Variants in ULK4 observed in about 807,000 individuals in gnomAD.
The protein encoded by ULK4 is inactive serine/threonine-protein kinase ULK4.
Under a neutral mutation model 160.6 loss-of-function variants are expected in ULK4, and 133 were observed. That is an observed-to-expected ratio of 0.83 (90% CI 0.72 to 0.96). The LOEUF (loss-of-function observed/expected upper bound fraction) is 0.96. Among genes scored for constraint, ULK4 ranks in the 40% least tolerant of loss-of-function variants. The pLI, the probability that ULK4 is intolerant of heterozygous loss-of-function variation, is 0.00. For synonymous variants in ULK4, 534 were observed against 539.8 expected (o/e 0.99, Z 0.15); for missense variants, 1,580 against 1,499.5 (o/e 1.05, Z -0.89).
chr3:41,633,952 G>A (rs1014721460), intron 30 of ULK4, among the ~76,000 whole-genome samples: 2 of 152,124 alleles, frequency 1.3e-5, no homozygotes, highest in Admixed American at 6.5e-5. Flanking sequence ...GATCCTTATT[G>A]TGAGGTAGTA....
At chr3:41,574,143 C>A (rs1335983554) in intron 31 of ULK4, among the ~76,000 whole-genome samples, 1 of 152,154 alleles carries the variant, frequency 6.6e-6, no homozygotes, top group Non-Finnish European at 1.5e-5. Flanking sequence ...TGAGCCATTG[C>A]ACTGCAGCCT....
At chr3:41,788,100 G>GA (rs1310572720) in intron 21 of ULK4, among the ~76,000 whole-genome samples, 1 of 151,962 alleles carries the variant, frequency 6.6e-6, no homozygotes, top group Non-Finnish European at 1.5e-5. Flanking sequence ...AGATTTGTTA[G>GA]AAAAAAATAC....
Position 41,798,262 on chromosome 3 carries a change from C to T in ULK4, c.2010+1870G>A, listed in dbSNP as rs2040359489. 2.0e-5 allele frequency among the ~76,000 whole-genome samples: 3 copies of T among 152,082 alleles called. 1 individual carries two copies. In the South Asian group the frequency reaches 6.2e-4, roughly 31 times the overall value. ...CTTTATAAAGTAAGCCCAATTAAAA[C>T]AAGACAGATTTTTCTAAAGGCTCAG... On this transcript the variant is annotated intron_variant, in intron 20 of 36. Transcript: ENST00000301831.
chr3:41,625,296 T>C (rs1312479448), intron 30 of ULK4, among the ~76,000 whole-genome samples: 1 of 152,230 alleles, frequency 6.6e-6, no homozygotes, highest in Non-Finnish European at 1.5e-5. Context: ...ATAAAATATC[T>C]GATATCCACG....
chr3:41,501,013 A>G (rs887501721), intron 32 of ULK4, among the ~76,000 whole-genome samples: 70 of 152,284 alleles, frequency 4.6e-4, no homozygotes, highest in African/African-American at 1.6e-3. Flanking sequence ...GCTCAACATC[A>G]ATAGACCTCA....
intron 35 of ULK4, among the ~76,000 whole-genome samples, chr3:41,259,216 A>G (rs981316309): frequency 1.3e-5 from 2 of 152,128 alleles, no homozygotes; most frequent in Non-Finnish European, 2.9e-5. Context: ...GTGTCAATCC[A>G]GCATTCACCC....
chr3:41,526,113 C>G (rs761564095), intron 32 of ULK4, among the ~76,000 whole-genome samples: 3 of 152,146 alleles, frequency 2.0e-5, no homozygotes, highest in Non-Finnish European at 4.4e-5. Context: ...CCTTTGTGCT[C>G]CTGAACCTCT....
intron 5 of ULK4, among the ~76,000 whole-genome samples, chr3:41,920,475 A>T (rs576097118): frequency 6.6e-6 from 1 of 152,176 alleles, no homozygotes; most frequent in Admixed American, 6.5e-5. Flanking sequence ...CAGAAATCCC[A>T]TATTTTAGAG....
chr3:41,859,684 G>C (rs1482837489), intron 17 of ULK4: 2 of 386,962 alleles, frequency 5.2e-6, no homozygotes, highest in Non-Finnish European at 1.0e-5. Flanking sequence ...TTTAGACAGA[G>C]TCTCACTCTT....
chr3:41,903,605 G>T (rs1207065118), intron 12 of ULK4, among the ~76,000 whole-genome samples: 1 of 145,440 alleles, frequency 6.9e-6, no homozygotes, highest in Non-Finnish European at 1.5e-5. Flanking sequence ...AAAAAAAAAT[G>T]TAAGATGAGT....
intron 22 of ULK4, among the ~76,000 whole-genome samples, chr3:41,738,723 C>A (rs2038137249): frequency 6.6e-6 from 1 of 151,918 alleles, no homozygotes; most frequent in Admixed American, 6.6e-5. Context: ...CTTCTGTTGA[C>A]TGTAACCAAA....
intron 1 of ULK4, among the ~76,000 whole-genome samples, chr3:41,960,388 G>A (rs1444055517): frequency 2.0e-5 from 3 of 150,584 alleles, no homozygotes; most frequent in Non-Finnish European, 4.4e-5. Flanking sequence ...TTTTGGACAG[G>A]GTCTCACTCA....
chr3:41,755,168 A>T (rs2038758543), intron 21 of ULK4, among the ~76,000 whole-genome samples: 1 of 152,178 alleles, frequency 6.6e-6, no homozygotes, highest in African/African-American at 2.4e-5. Context: ...GAAATACGGA[A>T]TCGTAATATC....
At chr3:41,471,241 G>A (rs542472800) in intron 32 of ULK4, among the ~76,000 whole-genome samples, 8 of 152,160 alleles carry the variant, frequency 5.3e-5, no homozygotes, top group Admixed American at 4.6e-4. Context: ...CAAAACTACA[G>A]AAAGCAATAA....
intron 35 of ULK4, among the ~76,000 whole-genome samples, chr3:41,350,611 T>C (rs187895521): frequency 3.5e-4 from 54 of 152,318 alleles, no homozygotes; most frequent in African/African-American, 1.3e-3. Flanking sequence ...CAGAATCATC[T>C]AGACTTTGCA....
At chr3:41,722,648 A>T (rs923983835) in intron 22 of ULK4, among the ~76,000 whole-genome samples, 40 of 152,266 alleles carry the variant, frequency 2.6e-4, no homozygotes, top group African/African-American at 9.6e-4. Flanking sequence ...TTAATTAATT[A>T]AAATTAAATT....
chr3:41,424,741 A>T (rs2082737858), intron 34 of ULK4, among the ~76,000 whole-genome samples: 1 of 151,038 alleles, frequency 6.6e-6, no homozygotes, highest in Non-Finnish European at 1.5e-5. Flanking sequence ...CAACAACAGC[A>T]TCAACAGGAA....
rs535831579 is a variant in ULK4, at chr3:41,776,440, T to C, written c.2193+13221A>G. The stretch of plus-strand genomic sequence containing the variant: ...TTTTAGTCTTATGTCAGAAAAAAAA[T>C]CTAACACTCAAATGTCAACAAAAAA... On this transcript the variant is annotated intron_variant, in intron 21 of 36. Coordinates refer to ENST00000301831, the MANE Select transcript of ULK4 (RefSeq NM_017886.4). 1.0e-4 allele frequency among the ~76,000 whole-genome samples: 15 copies of C among 150,660 alleles called. 2 individuals are homozygous for C. Among genetic ancestry groups the C allele is most frequent in the African/African-American group, 3.7e-4 (15 of 40,040 alleles).
Position 41,938,202 on chromosome 3 carries a change from A to G in ULK4, c.139-5T>C, listed in dbSNP as rs752495404. 3.1e-6 allele frequency: 5 copies of G among 1,607,950 alleles called. No homozygotes were observed. The highest frequency in any genetic ancestry group is 4.2e-6 in the Non-Finnish European group (5 of 1,177,054). The stretch of plus-strand genomic sequence containing the variant: ...TATTTCACGGGTGAGACGGACCTAT[A>G]AAAACACAGAGCAATCACTCTAAAA... On this transcript the variant is annotated splice_polypyrimidine_tract_variant and splice_region_variant and intron_variant, in intron 2 of 36. Transcript: ENST00000301831.
Sources: allele counts gnomAD v4.1 joint callset (sites outside exome capture counted in the v4.1 genomes callset), GRCh38; gene constraint gnomAD v4.1.1; transcripts MANE v1.5; gene names NCBI Gene and HGNC (gene_info 2026-07-23, HGNC 2026-07-21).